Variants in SPIN4 observed in about 807,000 individuals in gnomAD.
SPIN4 encodes spindlin-4.
In SPIN4, 4 loss-of-function variants were observed where a neutral mutation model predicts 10.4. The ratio of observed to expected loss-of-function variants is 0.38; its 90% CI spans 0.19 to 0.88. The LOEUF is 0.88. SPIN4 is among the 40% of genes least tolerant of loss of function. The pLI is 0.40. For missense variants in SPIN4, 126 were observed against 198.7 expected, an observed-to-expected ratio of 0.63 and a Z score of 2.20; for synonymous variants, 71 against 78.4, an observed-to-expected ratio of 0.91 and a Z score of 0.50.
chrX:63,350,879 A>G lies in SPIN4; in HGVS notation c.-60T>C, dbSNP rs1477989775. ...TGCCCTGGTCGATTAAACTGACAAAAAGTCAACACTATGCAATATGATATA... is the reference window on the plus strand; with the variant it reads ...TGCCCTGGTCGATTAAACTGACAAAGAGTCAACACTATGCAATATGATATA... On this transcript the variant is annotated 5_prime_UTR_variant, in exon 1 of 1. Transcript: ENST00000374884. The G allele has an allele frequency of 8.8e-7, 1 of 1,131,326 alleles. No individual in the cohort carries two copies. The highest frequency in any genetic ancestry group is 1.2e-6 in the Non-Finnish European group (1 of 849,825). The allele number at this position is 1,131,326 out of a possible 1,213,427, so 93.2% of individuals were successfully genotyped here. A position where few individuals can be genotyped will look rare whatever the true frequency, so the allele number is the denominator to read the frequency against.
In SPIN4 at chrX:63,350,937, T is replaced by C; in HGVS notation, c.-118A>G. ...TTTGCGATCTCAAAGACCTGGTCTG[T>C]GCTCCCTTCTCCAAGTGCAAGGCTC... On this transcript the variant is annotated 5_prime_UTR_variant, in exon 1 of 1. Coordinates refer to ENST00000374884, the MANE Select transcript of SPIN4 (RefSeq NM_001012968.3). 1.1e-6 allele frequency: 1 copy of C among 921,374 alleles called. No individual in the cohort carries two copies. The highest frequency in any genetic ancestry group is 3.3e-5 in the East Asian group (1 of 29,883). The allele number at this position is 921,374 out of a possible 1,213,427, so 75.9% of individuals were successfully genotyped here.
Position 63,350,626 on chromosome X carries a change from T to A in SPIN4, c.194A>T (p.Glu65Val). ...AAGAGTGGGCTTCACGGAAACCTGCTCGAGCACAGTACCCTTCCACTGCTC... is the reference window on the plus strand; with the variant it reads ...AAGAGTGGGCTTCACGGAAACCTGCACGAGCACAGTACCCTTCCACTGCTC... ...PVEQWKGTVLEQVSVKPTLYI... is the reference protein window; with the variant it reads ...PVEQWKGTVLVQVSVKPTLYI... The change falls in exon 1 of 1, where the codon GAG becomes GTG. Residue 65 changes from glutamate (E) to valine (V), a missense_variant. Coordinates refer to ENST00000374884, the MANE Select transcript of SPIN4 (RefSeq NM_001012968.3). The A allele has an allele frequency of 8.3e-7, 1 of 1,210,137 alleles. No individual in the cohort carries two copies. Among genetic ancestry groups the A allele is most frequent in the Non-Finnish European group, 1.1e-6 (1 of 894,545 alleles).
At position 63,350,922 on chromosome X, in the gene SPIN4, C is replaced by G; in HGVS notation, c.-103G>C. ...ATGATATATATATTTTTTGCGATCT[C>G]AAAGACCTGGTCTGTGCTCCCTTCT... is the stretch of plus-strand genomic sequence containing the variant. On this transcript the variant is annotated 5_prime_UTR_variant, in exon 1 of 1. Coordinates refer to ENST00000374884, the MANE Select transcript of SPIN4 (RefSeq NM_001012968.3). 1.0e-6 allele frequency: 1 copy of G among 1,003,764 alleles called. No individual in the cohort carries two copies. The highest frequency in any genetic ancestry group is 2.5e-5 in the South Asian group (1 of 39,483). 82.7% of individuals were successfully genotyped at this position (1,003,764 alleles called of 1,213,427 possible). A position where few individuals can be genotyped will look rare whatever the true frequency, so the allele number is the denominator to read the frequency against.
At position 63,347,508 on chromosome X, in the gene SPIN4, C is replaced by T. The variant is rs868922729; in HGVS notation, c.*2562G>A. The T allele has an allele frequency of 7.1e-5, 8 of 111,914 alleles. No individual in the cohort carries two copies. The highest frequency in any genetic ancestry group is 1.1e-4 in the Non-Finnish European group (6 of 53,067). The allele number at this position is 111,914 out of a possible 1,213,427, so 9.2% of individuals were successfully genotyped here. On this transcript the variant is annotated 3_prime_UTR_variant, in exon 1 of 1. Coordinates refer to ENST00000374884, the MANE Select transcript of SPIN4 (RefSeq NM_001012968.3). ...GGATTAGATTGTTTTACACTTTGTC[C>T]TAGCTAACTTTTAACAAACAAATAA...
In SPIN4 at chrX:63,350,529, C is replaced by A. The variant is rs1341116029; in HGVS notation, c.291G>T (p.Ala97=). The A allele has an allele frequency of 1.7e-6, 2 of 1,209,461 alleles. No homozygotes were observed. The highest frequency in any genetic ancestry group is 2.2e-6 in the Non-Finnish European group (2 of 895,008). The part of the protein sequence containing the change: ...LELHRDKRVL[A]LEILPERVPT... ...GCACTCTCTCAGGAAGGATCTCTAG[C>A]GCTAAAACTCTCTTATCGCGGTGCA... The change falls in exon 1 of 1, where the codon GCG becomes GCT. Residue 97 remains alanine (A), a synonymous_variant. Transcript: ENST00000374884.
Position 63,350,928 on chromosome X carries a change from C to A in SPIN4, c.-109G>T. The A allele has an allele frequency of 1.0e-6, 1 of 973,349 alleles. No homozygotes were observed. The highest frequency in any genetic ancestry group is 2.6e-5 in the South Asian group (1 of 38,064). The allele number at this position is 973,349 out of a possible 1,213,427, so 80.2% of individuals were successfully genotyped here. A position where few individuals can be genotyped will look rare whatever the true frequency, so the allele number is the denominator to read the frequency against. ...TATATATTTTTTGCGATCTCAAAGA[C>A]CTGGTCTGTGCTCCCTTCTCCAAGT... is the stretch of plus-strand genomic sequence containing the variant. On this transcript the variant is annotated 5_prime_UTR_variant, in exon 1 of 1. Transcript: ENST00000374884.
chrX:63,350,753 G>T lies in SPIN4; in HGVS notation c.67C>A (p.His23Asn). 8.3e-7 allele frequency: 1 copy of T among 1,210,774 alleles called. No individual in the cohort carries two copies. The highest frequency in any genetic ancestry group is 1.1e-6 in the Non-Finnish European group (1 of 894,784). The change falls in exon 1 of 1, where the codon CAC becomes AAC. Residue 23 changes from histidine to asparagine, a missense_variant. Transcript: ENST00000374884. ...GVSAYLMKKR[H>N]THRKQRRKPT... ...TTGCGCCGTTGCTTCCTGTGGGTGT[G>T]CCTTTTCTTCATCAGGTATGCGGAC... is the stretch of plus-strand genomic sequence containing the variant.
chrX:63,350,661 G>A lies in SPIN4; in HGVS notation c.159C>T (p.Asn53=). The A allele has an allele frequency of 1.7e-6, 2 of 1,208,249 alleles. No individual in the cohort carries two copies. The highest frequency in any genetic ancestry group is 2.2e-6 in the Non-Finnish European group (2 of 894,293). The change falls in exon 1 of 1, where the codon AAC becomes AAT. Residue 53 remains asparagine (N), a synonymous_variant. Transcript: ENST00000374884. ...TACCCTTCCACTGCTCCACTGGCTC[G>A]TTGCCTTCCTTCCAGCCGTGTTGAA... ...CRIQHGWKEG[N]EPVEQWKGTV...
rs1266304903 is a variant in SPIN4, at chrX:63,350,412, T to C, written c.408A>G (p.Glu136=). The C allele has an allele frequency of 8.3e-7, 1 of 1,209,526 alleles. No individual in the cohort carries two copies. Among genetic ancestry groups the C allele is most frequent in the African/African-American group, 1.8e-5 (1 of 56,919 alleles). Residue 136 remains glutamate, a synonymous_variant, in exon 1 of 1, where the codon GAA becomes GAG. Transcript: ENST00000374884. ...CTCGCGCCAGGACCATACCCTTCCATTCATCCTTGGTACCATGTTCACCTT... is the reference window on the plus strand; with the variant it reads ...CTCGCGCCAGGACCATACCCTTCCACTCATCCTTGGTACCATGTTCACCTT... ...VFEGEHGTKD[E]WKGMVLARAP...
Position 63,347,738 on chromosome X carries a change from A to G in SPIN4, c.*2332T>C, listed in dbSNP as rs1274469009. On this transcript the variant is annotated 3_prime_UTR_variant, in exon 1 of 1. Transcript: ENST00000374884. ...ATAAAATCCACTCATGTAGCAAATC[A>G]TTATTTCACAATGACCAAGTAGTAT... 1.8e-5 allele frequency: 2 copies of G among 111,864 alleles called. No individual in the cohort carries two copies. The highest frequency in any genetic ancestry group is 3.8e-5 in the Non-Finnish European group (2 of 53,050). The allele number at this position is 111,864 out of a possible 1,213,427, so 9.2% of individuals were successfully genotyped here.
rs192749241 is a variant in SPIN4 at position 63,349,402 on chromosome X, A to T, written c.*668T>A. On this transcript the variant is annotated 3_prime_UTR_variant, in exon 1 of 1. Transcript: ENST00000374884. ...CAGCAGTGTTATTTTGAAAAAAAAT[A>T]AAAAAAGGAAATAAAAGACGATCAA... is the stretch of plus-strand genomic sequence containing the variant. 1.7e-3 allele frequency: 191 copies of T among 111,969 alleles called. No individual in the cohort carries two copies. Among genetic ancestry groups the T allele is most frequent in the South Asian group, 0.011 (30 of 2,651 alleles). 9.2% of individuals were successfully genotyped at this position (111,969 alleles called of 1,213,427 possible).
At position 63,350,268 on chromosome X, in the gene SPIN4, G is replaced by A. The variant is rs1185374243; in HGVS notation, c.552C>T (p.Tyr184=). ...GDLRIIPDSN[Y]YFPTAEQEPG... Reference sequence around the variant, plus strand: ...GCTCCTGTTCTGCTGTAGGGAAATAGTAGTTGGAATCTGGAATAATGCGTA... The same window carrying A: ...GCTCCTGTTCTGCTGTAGGGAAATAATAGTTGGAATCTGGAATAATGCGTA... Residue 184 remains tyrosine, a synonymous_variant, in exon 1 of 1, where the codon TAC becomes TAT. Coordinates refer to ENST00000374884, the MANE Select transcript of SPIN4 (RefSeq NM_001012968.3). 8.3e-7 allele frequency: 1 copy of A among 1,209,486 alleles called. No homozygotes were observed. The highest frequency in any genetic ancestry group is 1.1e-6 in the Non-Finnish European group (1 of 895,139).
Position 63,349,097 on chromosome X carries a change from G to T in SPIN4, c.*973C>A, listed in dbSNP as rs1173719834. 8.9e-6 allele frequency: 1 copy of T among 111,916 alleles called. No homozygotes were observed. Among genetic ancestry groups the T allele is most frequent in the Non-Finnish European group, 1.9e-5 (1 of 53,164 alleles). 9.2% of individuals were successfully genotyped at this position (111,916 alleles called of 1,213,427 possible). A position where few individuals can be genotyped will look rare whatever the true frequency, so the allele number is the denominator to read the frequency against. ...ATGAAAAACATCAATAGATACATGA[G>T]CAAAGGGTAAGAACAGGCAAATCAG... On this transcript the variant is annotated 3_prime_UTR_variant, in exon 1 of 1. Coordinates refer to ENST00000374884, the MANE Select transcript of SPIN4 (RefSeq NM_001012968.3).
Position 63,350,151 on chromosome X carries a change from C to A in SPIN4, c.669G>T (p.Val223=), listed in dbSNP as rs1359920229. The change falls in exon 1 of 1, where the codon GTG becomes GTT. Residue 223 remains valine, a synonymous_variant. Coordinates refer to ENST00000374884, the MANE Select transcript of SPIN4 (RefSeq NM_001012968.3). ...TGAAGTAAACAGATGGCTTCGCCAC[C>A]ACTTGATGTATAAAAATGCCAGTTC... ...SKRTGIFIHQ[V]VAKPSVYFIK... 2 of 1,210,004 alleles carry A rather than the reference C, an allele frequency of 1.7e-6. No homozygotes were observed. Among genetic ancestry groups the A allele is most frequent in the South Asian group, 3.5e-5 (2 of 56,799 alleles).
In SPIN4 at chrX:63,347,566, G is replaced by A. The variant is rs1487870475; in HGVS notation, c.*2504C>T. ...GCTATTTAAATTATTCCAGACCACA[G>A]GAAAAAAATTGAAAACTCACATATT... On this transcript the variant is annotated 3_prime_UTR_variant, in exon 1 of 1. Coordinates refer to ENST00000374884, the MANE Select transcript of SPIN4 (RefSeq NM_001012968.3). 9.0e-6 allele frequency: 1 copy of A among 110,541 alleles called. No individual in the cohort carries two copies. Among genetic ancestry groups the A allele is most frequent in the Non-Finnish European group, 1.9e-5 (1 of 52,639 alleles). 9.1% of individuals were successfully genotyped at this position (110,541 alleles called of 1,213,427 possible).
rs1245052798 is a variant in SPIN4 at position 63,348,099 on chromosome X, C to A, written c.*1971G>T. ...ACTCTTCAACATTGTTTTGAAAAATCCAGCTAATGTAACAGTAATCAGTAT... is the reference window on the plus strand; with the variant it reads ...ACTCTTCAACATTGTTTTGAAAAATACAGCTAATGTAACAGTAATCAGTAT... On this transcript the variant is annotated 3_prime_UTR_variant, in exon 1 of 1. Transcript: ENST00000374884. The A allele has an allele frequency of 9.0e-6, 1 of 110,950 alleles. No individual in the cohort carries two copies. Among genetic ancestry groups the A allele is most frequent in the African/African-American group, 3.3e-5 (1 of 30,588 alleles). 9.1% of individuals were successfully genotyped at this position (110,950 alleles called of 1,213,427 possible). A position where few individuals can be genotyped will look rare whatever the true frequency, so the allele number is the denominator to read the frequency against.
In SPIN4 at chrX:63,350,930, T is replaced by G. The variant is rs1932989480; in HGVS notation, c.-111A>C. On this transcript the variant is annotated 5_prime_UTR_variant, in exon 1 of 1. Coordinates refer to ENST00000374884, the MANE Select transcript of SPIN4 (RefSeq NM_001012968.3). Reference sequence around the variant, plus strand: ...TATATTTTTTGCGATCTCAAAGACCTGGTCTGTGCTCCCTTCTCCAAGTGC... The same window carrying G: ...TATATTTTTTGCGATCTCAAAGACCGGGTCTGTGCTCCCTTCTCCAAGTGC... The G allele has an allele frequency of 2.1e-6, 2 of 949,949 alleles. No individual in the cohort carries two copies. Among genetic ancestry groups the G allele is most frequent in the Admixed American group, 7.3e-5 (2 of 27,258 alleles). 78.3% of individuals were successfully genotyped at this position (949,949 alleles called of 1,213,427 possible). A position where few individuals can be genotyped will look rare whatever the true frequency, so the allele number is the denominator to read the frequency against.
chrX:63,350,841 T>TG lies in SPIN4; in HGVS notation c.-23dup. 1 of 1,178,926 alleles carries TG rather than the reference T, an allele frequency of 8.5e-7. No individual in the cohort carries two copies. The highest frequency in any genetic ancestry group is 1.1e-6 in the Non-Finnish European group (1 of 877,436). On this transcript the variant is annotated 5_prime_UTR_variant, in exon 1 of 1. Coordinates refer to ENST00000374884, the MANE Select transcript of SPIN4 (RefSeq NM_001012968.3). ...ACATAGCTCAGGGATTAAGAGGGCT[T>TG]GGGGAAAGCTGCTGCCCTGGTCGAT...
Position 63,350,825 on chromosome X carries a change from A to C in SPIN4, c.-6T>G, listed in dbSNP as rs782806644. 3 of 1,182,807 alleles carry C rather than the reference A, an allele frequency of 2.5e-6. No individual in the cohort carries two copies. Among genetic ancestry groups the C allele is most frequent in the Non-Finnish European group, 3.4e-6 (3 of 879,745 alleles). ...GGCACGGTTGGAGGAGACATAGCTCAGGGATTAAGAGGGCTTGGGGAAAGC... is the reference window on the plus strand; with the variant it reads ...GGCACGGTTGGAGGAGACATAGCTCCGGGATTAAGAGGGCTTGGGGAAAGC... On this transcript the variant is annotated 5_prime_UTR_variant, in exon 1 of 1. Coordinates refer to ENST00000374884, the MANE Select transcript of SPIN4 (RefSeq NM_001012968.3).
Sources: gnomAD v4.1 joint callset for allele counts on GRCh38, gnomAD v4.1.1 for gene constraint, MANE v1.5 for transcripts, NCBI Gene and HGNC (gene_info 2026-07-23, HGNC 2026-07-21) for gene names.